The following TBC1D22B variants were observed in gnomAD, a reference collection of about 807,000 sequenced individuals.
TBC1D22B encodes chromosome 6 open reading frame 197.
Under a neutral mutation model 69.1 loss-of-function variants are expected in TBC1D22B, and 32 were observed. The ratio of observed to expected loss-of-function variants is 0.46; its 90% CI spans 0.35 to 0.62. The LOEUF is 0.62. Ranked by LOEUF, TBC1D22B falls within the 20% of genes least tolerant of loss-of-function variation. TBC1D22B has a pLI of 0.00. For missense variants in TBC1D22B, 462 were observed against 630.9 expected (o/e 0.73, Z 2.87); for synonymous variants, 206 against 229.8 (o/e 0.90, Z 0.94).
chr6:37,280,425 G>T (rs980542605), intron 3 of TBC1D22B, among the ~76,000 whole-genome samples: 1 of 152,216 alleles, frequency 6.6e-6, no homozygotes, highest in African/African-American at 2.4e-5. Context: ...CATGTTCTGA[G>T]GGAACTTTTT....
At chr6:37,263,627 A>G (rs1766178869) in intron 1 of TBC1D22B, among the ~76,000 whole-genome samples, 1 of 152,196 alleles carries the variant, frequency 6.6e-6, no homozygotes, top group African/African-American at 2.4e-5. Flanking sequence ...CTCTGTTGCC[A>G]GGCTGGAGTG....
rs556298541 is a variant in TBC1D22B, at chr6:37,331,052, C to T, written c.1398C>T (p.Leu466=). ...CCTTTCTTGCATTCCAGGGTCTCCT[C>T]ATGCTGCTACAGAACCTACCTACAA... ...ILDEEDFQGL[L]MLLQNLPTIH... is the part of the protein sequence containing the mutation. Residue 466 remains leucine (L), a synonymous_variant, in exon 13 of 13, where the codon CTC becomes CTT. Coordinates refer to ENST00000373491, the MANE Select transcript of TBC1D22B (RefSeq NM_017772.4). 7.4e-5 allele frequency: 119 copies of T among 1,614,138 alleles called. 1 individual carries two copies. The South Asian group carries it at 1.2e-3, about 17-fold the overall frequency.
At chr6:37,325,493 G>A (rs1218283405) in intron 12 of TBC1D22B, among the ~76,000 whole-genome samples, 2 of 148,576 alleles carry the variant, frequency 1.3e-5, no homozygotes, top group African/African-American at 5.0e-5. Flanking sequence ...AAAAGCTCCT[G>A]ATTTGTGATT....
chr6:37,263,404 G>A (rs1178215129), intron 1 of TBC1D22B, among the ~76,000 whole-genome samples: 1 of 152,204 alleles, frequency 6.6e-6, no homozygotes, highest in Non-Finnish European at 1.5e-5. Context: ...TTTATGTGAA[G>A]TTTAAAAACA....
intron 8 of TBC1D22B, among the ~76,000 whole-genome samples, chr6:37,304,662 G>T (rs1767656686): frequency 6.6e-6 from 1 of 152,218 alleles, no homozygotes; most frequent in South Asian, 2.1e-4. Context: ...AACATTTCCG[G>T]GGTGATGGAA....
intron 1 of TBC1D22B, among the ~76,000 whole-genome samples, chr6:37,260,263 G>T (rs886642887): frequency 6.6e-6 from 1 of 152,172 alleles, no homozygotes; most frequent in East Asian, 1.9e-4. Context: ...GTGGGGAAAT[G>T]ACACAAATGA....
In TBC1D22B at chr6:37,331,290, A is replaced by G. The variant is rs1768575313; in HGVS notation, c.*118A>G. On this transcript the variant is annotated 3_prime_UTR_variant, in exon 13 of 13. Transcript: ENST00000373491. ...ACCACTCCTGTTGTACAAAGCTCAC[A>G]CCCACCGCCCAGGTCTTAACTTTCT... 9.6e-7 allele frequency: 1 copy of G among 1,046,612 alleles called. No homozygotes were observed. Among genetic ancestry groups the G allele is most frequent in the Admixed American group, 2.0e-5 (1 of 50,620 alleles). The allele number at this position is 1,046,612 out of a possible 1,614,324, so 64.8% of individuals were successfully genotyped here. A position where few individuals can be genotyped will look rare whatever the true frequency, so the allele number is the denominator to read the frequency against.
At chr6:37,282,492 C>T (rs763718272) in intron 4 of TBC1D22B, 128 bp downstream of exon 4, 4 of 1,090,046 alleles carry the variant, frequency 3.7e-6, no homozygotes, top group Non-Finnish European at 5.1e-6. Flanking sequence ...GTGCCCATTG[C>T]AGTGACATGC....
intron 8 of TBC1D22B, among the ~76,000 whole-genome samples, chr6:37,311,039 T>C (rs1767894698): frequency 6.6e-6 from 1 of 152,232 alleles, no homozygotes; most frequent in Non-Finnish European, 1.5e-5. Flanking sequence ...TCCCCTCTTT[T>C]CTCCTTAATA....
At chr6:37,311,898 G>A (rs549862602) in intron 8 of TBC1D22B, among the ~76,000 whole-genome samples, 14 of 152,320 alleles carry the variant, frequency 9.2e-5, no homozygotes, top group South Asian at 4.1e-4. Flanking sequence ...GGCAAACACA[G>A]CACTTCTTAC....
chr6:37,310,263 G>A (rs1330150255), intron 8 of TBC1D22B, among the ~76,000 whole-genome samples: 2 of 149,546 alleles, frequency 1.3e-5, no homozygotes, highest in African/African-American at 4.9e-5. Flanking sequence ...CATAGTAAAT[G>A]TTTAAGTTAG....
At chr6:37,288,883 A>AT (rs1158532913) in intron 7 of TBC1D22B, among the ~76,000 whole-genome samples, 7 of 151,680 alleles carry the variant, frequency 4.6e-5, no homozygotes, top group Non-Finnish European at 8.8e-5. Flanking sequence ...CATCTTTTAA[A>AT]TTTTTTTTAT....
chr6:37,264,716 G>A (rs942979872), intron 1 of TBC1D22B, among the ~76,000 whole-genome samples: 2 of 152,166 alleles, frequency 1.3e-5, no homozygotes, highest in African/African-American at 4.8e-5. Flanking sequence ...TGGGGGTAGG[G>A]GTATGGAAAG....
chr6:37,287,153 T>A (rs1767031960), intron 7 of TBC1D22B, 81 bp downstream of exon 7: 1 of 1,093,032 alleles, frequency 9.1e-7, no homozygotes, highest in Non-Finnish European at 1.3e-6. Context: ...CGGCTAATCA[T>A]AATAGTACCT....
Position 37,268,777 on chromosome 6 carries a change from A to AG in TBC1D22B, c.57-817_57-816insG, listed in dbSNP as rs1234931681. Among the ~76,000 whole-genome samples, 234 of 152,340 alleles carry AG rather than the reference A, an allele frequency of 1.5e-3. 1 individual carries two copies. The highest frequency in any genetic ancestry group is 5.3e-3 in the African/African-American group (221 of 41,578). ...TTTTGTCAGTTTTTGAAGTCTATAT[A>AG]AGTCGAATCATAACAGTATTTATTC... On this transcript the variant is annotated intron_variant, in intron 1 of 12. Transcript: ENST00000373491.
At chr6:37,320,370 TA>T (rs1430088574) in intron 12 of TBC1D22B, among the ~76,000 whole-genome samples, 1 of 152,170 alleles carries the variant, frequency 6.6e-6, no homozygotes, top group East Asian at 1.9e-4. Flanking sequence ...GGGGCAATAG[TA>T]CCTACCTCCT....
Position 37,286,991 on chromosome 6 carries a change from G to A in TBC1D22B, c.802-16G>A. The A allele has an allele frequency of 6.3e-7, 1 of 1,587,218 alleles. No homozygotes were observed. The highest frequency in any genetic ancestry group is 8.5e-7 in the Non-Finnish European group (1 of 1,171,734). On this transcript the variant is annotated splice_polypyrimidine_tract_variant and intron_variant, in intron 6 of 12. Coordinates refer to ENST00000373491, the MANE Select transcript of TBC1D22B (RefSeq NM_017772.4). ...AACTGGCATTTGTGTTTTTGGACAT[G>A]CCTTCTCTTTTTCAGATTCACATTG...
chr6:37,257,818 CG>C lies in TBC1D22B; in HGVS notation c.-96del, dbSNP rs1382316020. On this transcript the variant is annotated 5_prime_UTR_variant, in exon 1 of 13. Transcript: ENST00000373491. ...GGAGCTGGGAGCGGGTGACCGGCGG[CG>C]GGGAAGCGGCCTGGGTTGGCCCTCA... 1 of 1,350,644 alleles carries C rather than the reference CG, an allele frequency of 7.4e-7. No individual in the cohort carries two copies. The highest frequency in any genetic ancestry group is 1.0e-6 in the Non-Finnish European group (1 of 981,752). 83.7% of individuals were successfully genotyped at this position (1,350,644 alleles called of 1,614,324 possible).
chr6:37,258,136 C>T lies in TBC1D22B; in HGVS notation c.56+163C>T, dbSNP rs1281439641. The T allele has an allele frequency of 3.8e-6, 3 of 781,032 alleles. No homozygotes were observed. The African/African-American group carries it at 5.4e-5, about 14-fold the overall frequency. The allele number at this position is 781,032 out of a possible 1,614,324, so 48.4% of individuals were successfully genotyped here. ...GGCAGCTGTCAGGCAGCGAAGCGAACAGCGAGCTTTGGGGACGGCTGGATG... is the reference window on the plus strand; with the variant it reads ...GGCAGCTGTCAGGCAGCGAAGCGAATAGCGAGCTTTGGGGACGGCTGGATG... On this transcript the variant is annotated intron_variant, in intron 1 of 12. Coordinates refer to ENST00000373491, the MANE Select transcript of TBC1D22B (RefSeq NM_017772.4).
Sources: allele counts gnomAD v4.1 joint callset (sites outside exome capture counted in the v4.1 genomes callset), GRCh38; gene constraint gnomAD v4.1.1; transcripts MANE v1.5; gene names NCBI Gene and HGNC (gene_info 2026-07-23, HGNC 2026-07-21).